Variants in ADAMTS19 observed in about 807,000 individuals in gnomAD.
ADAMTS19 encodes the protein ADAM metallopeptidase with thrombospondin type 1 motif 19.
ADAMTS19 carries 93 observed loss-of-function variants against 153.3 expected under a neutral mutation model. The ratio of observed to expected loss-of-function variants is 0.61; its 90% CI spans 0.51 to 0.72. The LOEUF (loss-of-function observed/expected upper bound fraction) is 0.72, where lower values mean the gene tolerates loss of function less well. Ranked by LOEUF, ADAMTS19 falls within the 30% of genes least tolerant of loss-of-function variation. The pLI, the probability that ADAMTS19 is intolerant of heterozygous loss-of-function variation, is 0.00. For missense variants in ADAMTS19, 1,482 were observed against 1,552.1 expected (o/e 0.95, Z 0.76); for synonymous variants, 600 against 556.6 (o/e 1.08, Z -1.10).
At chr5:129,576,586 CTTTTTT>C (rs79974624) in intron 7 of ADAMTS19, among the ~76,000 whole-genome samples, 1 of 140,730 alleles carries the variant, frequency 7.1e-6, no homozygotes, top group East Asian at 2.1e-4. Context: ...TTGCTTTATT[CTTTTTT>C]TTTTTTTTAG....
chr5:129,593,424 A>T (rs1750236397), intron 7 of ADAMTS19, among the ~76,000 whole-genome samples: 1 of 152,174 alleles, frequency 6.6e-6, no homozygotes, highest in Admixed American at 6.5e-5. Context: ...GACAATACCT[A>T]GTCATGTCTC....
At chr5:129,689,616 T>G (rs942869889) in intron 18 of ADAMTS19, among the ~76,000 whole-genome samples, 3 of 151,958 alleles carry the variant, frequency 2.0e-5, no homozygotes, top group Admixed American at 2.0e-4. Context: ...TAGTAGAGAC[T>G]GGGTTTCACC....
In ADAMTS19 at chr5:129,648,786, T is replaced by C. The variant is rs765198688; in HGVS notation, c.2004-12T>C. 3.1e-6 allele frequency: 5 copies of C among 1,609,276 alleles called. No homozygotes were observed. The African/African-American group carries it at 6.7e-5, about 22-fold the overall frequency. ...AAAACATAAAATTGATTATTTGTAC[T>C]TTCTTTTCTAGGCTAGATTCTGAAG... On this transcript the variant is annotated splice_polypyrimidine_tract_variant and intron_variant, in intron 12 of 22. Coordinates refer to ENST00000274487, the MANE Select transcript of ADAMTS19 (RefSeq NM_133638.6).
intron 16 of ADAMTS19, among the ~76,000 whole-genome samples, chr5:129,669,249 G>T (rs1754191800): frequency 6.6e-6 from 1 of 151,952 alleles, no homozygotes; most frequent in Non-Finnish European, 1.5e-5. Flanking sequence ...AAGCTTTTTT[G>T]TCCAGGGCTT....
chr5:129,583,674 T>G (rs1252283152), intron 7 of ADAMTS19, among the ~76,000 whole-genome samples: 3 of 151,858 alleles, frequency 2.0e-5, no homozygotes, highest in African/African-American at 7.3e-5. Context: ...CTTCAATCTC[T>G]GATATCCTTT....
intron 7 of ADAMTS19, among the ~76,000 whole-genome samples, chr5:129,571,251 T>C (rs1303947630): frequency 4.0e-5 from 6 of 151,862 alleles, no homozygotes; most frequent in Non-Finnish European, 8.8e-5. Flanking sequence ...ATCTAATGTA[T>C]TTTTATGTAC....
intron 8 of ADAMTS19, 48 bp downstream of exon 8, chr5:129,596,712 TAATTCG>T (rs1750397162): frequency 7.4e-7 from 1 of 1,350,600 alleles, no homozygotes; most frequent in Non-Finnish European, 1.0e-6. Context: ...TATAACTTTG[TAATTCG>T]AGTTACTGAA....
Position 129,658,749 on chromosome 5 carries a change from TTA to T in ADAMTS19, c.2425+14_2425+15del. 1 of 1,597,204 alleles carries T rather than the reference TTA, an allele frequency of 6.3e-7. No homozygotes were observed. Among genetic ancestry groups the T allele is most frequent in the African/African-American group, 1.3e-5 (1 of 74,104 alleles). Reference sequence around the variant, plus strand: ...CACCAGAGGAGCAGGTAATTTTTCTTTATTTTTTCATAAATATTAATCCCTGC... The same window carrying T: ...CACCAGAGGAGCAGGTAATTTTTCTTTTTTTTCATAAATATTAATCCCTGC... On this transcript the variant is annotated intron_variant, in intron 15 of 22. Transcript: ENST00000274487.
intron 21 of ADAMTS19, among the ~76,000 whole-genome samples, chr5:129,729,269 A>G (rs1375315905): frequency 6.6e-6 from 1 of 152,032 alleles, no homozygotes; most frequent in African/African-American, 2.4e-5. Flanking sequence ...GTTTTTAATC[A>G]TAGTGACATT....
At chr5:129,646,342 T>A (rs539645734) in intron 11 of ADAMTS19, among the ~76,000 whole-genome samples, 1 of 152,186 alleles carries the variant, frequency 6.6e-6, no homozygotes, top group Non-Finnish European at 1.5e-5. Context: ...TGAATTTAAA[T>A]GTTGACATTA....
chr5:129,599,864 A>G (rs1436247909), intron 8 of ADAMTS19, among the ~76,000 whole-genome samples: 1 of 152,152 alleles, frequency 6.6e-6, no homozygotes, highest in African/African-American at 2.4e-5. Context: ...ATGGACTAGG[A>G]CCAGAATGTG....
intron 11 of ADAMTS19, among the ~76,000 whole-genome samples, chr5:129,643,367 C>CAAAAAAAAAA (rs556007087): frequency 5.8e-3 from 235 of 40,254 alleles, no homozygotes; most frequent in Non-Finnish European, 9.5e-3. Context: ...GTTTCAAAGA[C>CAAAAAAAAAA]AAAAAAAAAA....
chr5:129,672,714 A>G (rs1026364506), intron 16 of ADAMTS19, among the ~76,000 whole-genome samples: 33 of 152,104 alleles, frequency 2.2e-4, no homozygotes, highest in African/African-American at 6.3e-4. Context: ...AAACCCTCAT[A>G]TGGGTTTGCA....
intron 7 of ADAMTS19, among the ~76,000 whole-genome samples, chr5:129,561,560 G>T (rs1035834911): frequency 3.3e-5 from 5 of 151,784 alleles, no homozygotes; most frequent in Non-Finnish European, 2.9e-5. Flanking sequence ...AAGAAAAATG[G>T]AGGACTATTT....
chr5:129,695,416 C>A (rs940682271), intron 19 of ADAMTS19, among the ~76,000 whole-genome samples: 1 of 152,206 alleles, frequency 6.6e-6, no homozygotes, highest in South Asian at 2.1e-4. Context: ...CTGACACCCC[C>A]CAATGAGTAT....
At chr5:129,479,041 G>A (rs1424075577) in intron 2 of ADAMTS19, among the ~76,000 whole-genome samples, 1 of 152,142 alleles carries the variant, frequency 6.6e-6, no homozygotes, top group Non-Finnish European at 1.5e-5. Context: ...GGTACGTGTA[G>A]TCACTCAGTT....
rs1195415159 is a variant in ADAMTS19, at chr5:129,577,415, A to C, written c.1373-19144A>C. Among the ~76,000 whole-genome samples the C allele has an allele frequency of 4.6e-5, 7 of 152,148 alleles. No individual in the cohort carries two copies. In the East Asian group the frequency reaches 1.4e-3, roughly 29 times the overall value. ...ATTAAATAATTAGTTGGTATATTAA[A>C]AGATAAAACTGATATAGAAAAAATA... On this transcript the variant is annotated intron_variant, in intron 7 of 22. Coordinates refer to ENST00000274487, the MANE Select transcript of ADAMTS19 (RefSeq NM_133638.6).
At position 129,491,357 on chromosome 5, in the gene ADAMTS19, T is replaced by C. The variant is rs116195747; in HGVS notation, c.748-17720T>C. On this transcript the variant is annotated intron_variant, in intron 2 of 22. Coordinates refer to ENST00000274487, the MANE Select transcript of ADAMTS19 (RefSeq NM_133638.6). ...CTGATAATGTTTCGGAGTACCTGTT[T>C]TTCTAATTACCTCTAATTAATTGTC... 9.5e-3 allele frequency among the ~76,000 whole-genome samples: 1,452 copies of C among 152,302 alleles called. 12 individuals are homozygous for C. Among genetic ancestry groups the C allele is most frequent in the Non-Finnish European group, 0.014 (954 of 68,018 alleles).
At position 129,461,310 on chromosome 5, in the gene ADAMTS19, C is replaced by T. The variant is rs1749646239; in HGVS notation, c.300C>T (p.Pro100=). 1.5e-6 allele frequency: 2 copies of T among 1,312,916 alleles called. No homozygotes were observed. Among genetic ancestry groups the T allele is most frequent in the South Asian group, 2.4e-5 (1 of 41,696 alleles). The allele number at this position is 1,312,916 out of a possible 1,614,324, so 81.3% of individuals were successfully genotyped here. Residue 100 remains proline, a synonymous_variant, in exon 2 of 23, where the codon CCC becomes CCT. Transcript: ENST00000274487. This position sits in a 1 kb window ranked among gnomAD's most constrained non-coding sequence, Gnocchi z 4.6. ...TGGCTCCGGTGCCTTTGGAGGAGCC[C>T]GTGGAGGGCCGATCAGAGTCCCGGC... ...RSVAPVPLEE[P]VEGRSESRLR...
Sources: gnomAD v4.1 joint callset for allele counts (sites outside exome capture counted in the v4.1 genomes callset) on GRCh38, gnomAD v4.1.1 for gene constraint, Gnocchi (gnomAD v3.1) non-coding constraint, MANE v1.5 for transcripts, NCBI Gene and HGNC (gene_info 2026-07-23, HGNC 2026-07-21) for gene names.